Variants in CCDC39 observed in about 807,000 individuals in gnomAD.
CCDC39 encodes coiled-coil domain-containing protein 39.
A neutral mutation model predicts 121.0 loss-of-function variants in CCDC39; 113 were observed. That is an observed-to-expected ratio of 0.93 (90% CI 0.80 to 1.09). The LOEUF (loss-of-function observed/expected upper bound fraction) is 1.09, where lower values mean the gene tolerates loss of function less well. CCDC39 is among the 50% of genes least tolerant of loss of function. CCDC39 has a pLI of 0.00. For missense variants in CCDC39, 1,063 were observed against 1,074.7 expected, an observed-to-expected ratio of 0.99 and a Z score of 0.15; for synonymous variants, 349 against 352.2, an observed-to-expected ratio of 0.99 and a Z score of 0.10.
At chr3:180,627,854 C>T (rs763384489) in intron 14 of CCDC39, among the ~76,000 whole-genome samples, 7 of 152,076 alleles carry the variant, frequency 4.6e-5, no homozygotes, top group Non-Finnish European at 8.8e-5. Context: ...ATGTTGATAT[C>T]CCAACCTGTG....
rs768040797 is a variant in CCDC39, at chr3:180,648,247, C to T, written c.1280G>A (p.Arg427His). The change falls in exon 10 of 20, where the codon CGT becomes CAT. Residue 427 changes from arginine to histidine, a missense_variant. Arg to His is a conservative substitution (Grantham distance 29, BLOSUM62 0). Coordinates refer to ENST00000476379, the MANE Select transcript of CCDC39 (RefSeq NM_181426.2). ...KAVLSEIEGTRSSLKHLNHQL... is the reference protein window; with the variant it reads ...KAVLSEIEGTHSSLKHLNHQL... ...ATGGTTGAGATGTTTCAGAGAGGAA[C>T]GAGTTCCTTCAATTTCTGATAAAAC... 22 of 1,613,374 alleles carry T rather than the reference C, an allele frequency of 1.4e-5. No individual in the cohort carries two copies. The highest frequency in any genetic ancestry group is 2.2e-5 in the East Asian group (1 of 44,848).
In CCDC39 at chr3:180,650,730, G is replaced by A. The variant is rs185030765; in HGVS notation, c.1167+671C>T. Reference sequence around the variant, plus strand: ...AAATTAGCCAGGTGTGGTGGCACGCGCCTGTAATCCCAGCTACTCAGAAGG... The same window carrying A: ...AAATTAGCCAGGTGTGGTGGCACGCACCTGTAATCCCAGCTACTCAGAAGG... On this transcript the variant is annotated intron_variant, in intron 9 of 19. Coordinates refer to ENST00000476379, the MANE Select transcript of CCDC39 (RefSeq NM_181426.2). Among the ~76,000 whole-genome samples the A allele has an allele frequency of 2.5e-4, 37 of 149,824 alleles. No individual in the cohort carries two copies. In the East Asian group the frequency reaches 4.0e-3, roughly 16 times the overall value.
chr3:180,644,610 C>T (rs1302898329), intron 11 of CCDC39, among the ~76,000 whole-genome samples: 1 of 152,168 alleles, frequency 6.6e-6, no homozygotes, highest in Non-Finnish European at 1.5e-5. Context: ...TATGGATGTT[C>T]AAGTCCCTTA....
At chr3:180,617,392 T>C in intron 16 of CCDC39, 1 of 636,892 alleles carries the variant, frequency 1.6e-6, no homozygotes, top group Non-Finnish European at 2.8e-6. Context: ...TACTCCTATT[T>C]ATTTAAAAAG....
chr3:180,651,301 C>G lies in CCDC39; in HGVS notation c.1167+100G>C, dbSNP rs1718202202. 4 of 949,248 alleles carry G rather than the reference C, an allele frequency of 4.2e-6. No individual in the cohort carries two copies. The African/African-American group carries it at 6.7e-5, about 16-fold the overall frequency. The allele number at this position is 949,248 out of a possible 1,614,324, so 58.8% of individuals were successfully genotyped here. A position where few individuals can be genotyped will look rare whatever the true frequency, so the allele number is the denominator to read the frequency against. Reference sequence around the variant, plus strand: ...AATGTGATCATACCAAAAAGCAGAGCTTCTTACAAGACCTCCTCGTCCTCT... The same window carrying G: ...AATGTGATCATACCAAAAAGCAGAGGTTCTTACAAGACCTCCTCGTCCTCT... On this transcript the variant is annotated intron_variant, in intron 9 of 19. Transcript: ENST00000476379.
chr3:180,664,012 A>G (rs1188025958), intron 1 of CCDC39, 26 bp from the exon 2 acceptor site: 1 of 1,596,080 alleles, frequency 6.3e-7, no homozygotes, highest in Admixed American at 1.7e-5. Context: ...ACTATGATTA[A>G]CCAAAGTCCT....
intron 14 of CCDC39, among the ~76,000 whole-genome samples, chr3:180,625,124 C>T (rs1717527079): frequency 6.6e-6 from 1 of 152,024 alleles, no homozygotes. Flanking sequence ...GCTTTCTAAA[C>T]TTATTTCTCT....
intron 11 of CCDC39, 140 bp downstream of exon 11, chr3:180,646,939 A>C: frequency 1.4e-6 from 1 of 710,546 alleles, no homozygotes; most frequent in South Asian, 2.0e-5. Context: ...ATAGTACAAA[A>C]ATAAGAACAT....
intron 10 of CCDC39, 85 bp from the exon 11 acceptor site, chr3:180,647,328 T>A: frequency 5.7e-6 from 7 of 1,228,750 alleles, no homozygotes; most frequent in Non-Finnish European, 7.8e-6. Flanking sequence ...TACTTTCTTA[T>A]GACTTTGGAC....
At chr3:180,616,997 A>G in intron 16 of CCDC39, 31 bp from the exon 17 acceptor site, 1 of 1,160,476 alleles carries the variant, frequency 8.6e-7, no homozygotes, top group Non-Finnish European at 1.2e-6. Context: ...TGTATTTTTT[A>G]GAATCAGAAA....
intron 14 of CCDC39, among the ~76,000 whole-genome samples, chr3:180,626,977 A>G (rs1717578860): frequency 6.6e-6 from 1 of 152,166 alleles, no homozygotes; most frequent in African/African-American, 2.4e-5. Flanking sequence ...ACATTGAAAA[A>G]ACAAAAATTA....
chr3:180,641,688 G>A (rs148473046), intron 13 of CCDC39, among the ~76,000 whole-genome samples: 56 of 152,228 alleles, frequency 3.7e-4, no homozygotes, highest in African/African-American at 1.3e-3. Context: ...CACTTCAATA[G>A]ATGCAGCTAT....
At chr3:180,665,675 A>G (rs939828054) in intron 1 of CCDC39, among the ~76,000 whole-genome samples, 1 of 151,908 alleles carries the variant, frequency 6.6e-6, no homozygotes, top group Non-Finnish European at 1.5e-5. Flanking sequence ...TCTTTAAATA[A>G]AATTTTTGCC....
At chr3:180,644,628 T>C (rs564571933) in intron 11 of CCDC39, among the ~76,000 whole-genome samples, 2 of 152,132 alleles carry the variant, frequency 1.3e-5, no homozygotes, top group East Asian at 1.9e-4. Context: ...TTATATAAAA[T>C]GGCATAGTAT....
At position 180,648,238 on chromosome 3, in the gene CCDC39, AG is replaced by A; in HGVS notation, c.1288del (p.Leu430Ter). On this transcript the variant is annotated frameshift_variant, in exon 10 of 20. Transcript: ENST00000476379. LOFTEE classifies it high-confidence loss of function. ...TTGTAACTGATGGTTGAGATGTTTC[AG>A]AGAGGAACGAGTTCCTTCAATTTCT... ...LSEIEGTRSS[L>X]KHLNHQLQKL... 6.2e-7 allele frequency: 1 copy of A among 1,613,594 alleles called. No homozygotes were observed. The highest frequency in any genetic ancestry group is 8.5e-7 in the Non-Finnish European group (1 of 1,179,652).
At chr3:180,671,961 C>T (rs1245361338) in intron 1 of CCDC39, among the ~76,000 whole-genome samples, 1 of 152,082 alleles carries the variant, frequency 6.6e-6, no homozygotes, top group African/African-American at 2.4e-5. Flanking sequence ...GGTGGCTACA[C>T]CAAACAACAG....
chr3:180,642,380 T>G (rs1035214039), intron 12 of CCDC39, among the ~76,000 whole-genome samples, 179 bp from the exon 13 acceptor site: 4 of 151,548 alleles, frequency 2.6e-5, no homozygotes, highest in African/African-American at 9.7e-5. Context: ...AAGAAAAGGG[T>G]TTATAGTTAT....
chr3:180,646,275 T>C (rs753347084), intron 11 of CCDC39, among the ~76,000 whole-genome samples: 3 of 151,636 alleles, frequency 2.0e-5, no homozygotes, highest in Non-Finnish European at 2.9e-5. Flanking sequence ...TTTGTCTTCT[T>C]AAGAAGAAAA....
chr3:180,628,649 G>A (rs748780910), intron 14 of CCDC39, among the ~76,000 whole-genome samples: 3 of 152,136 alleles, frequency 2.0e-5, no homozygotes. Flanking sequence ...TCAGTCTGTC[G>A]AAACTACTTC....
Sources: gnomAD v4.1 joint callset for allele counts (sites outside exome capture counted in the v4.1 genomes callset) on GRCh38, gnomAD v4.1.1 for gene constraint, MANE v1.5 for transcripts, NCBI Gene and HGNC (gene_info 2026-07-23, HGNC 2026-07-21) for gene names.